Variants in CLTA observed in about 807,000 individuals in gnomAD.
The protein encoded by CLTA is clathrin, light polypeptide (Lca).
CLTA carries 9 observed loss-of-function variants against 26.9 expected under a neutral mutation model. The ratio of observed to expected loss-of-function variants is 0.33; its 90% CI spans 0.20 to 0.58. CLTA has a LOEUF of 0.58. Ranked by LOEUF, CLTA falls within the 20% of genes least tolerant of loss-of-function variation. CLTA has a pLI of 0.85. For synonymous variants in CLTA, 120 were observed against 115.5 expected (o/e 1.04, Z -0.25); for missense variants, 278 against 294.2 (o/e 0.94, Z 0.40).
intron 4 of CLTA, among the ~76,000 whole-genome samples, chr9:36,206,398 G>A (rs1174325036): frequency 6.6e-6 from 1 of 152,028 alleles, no homozygotes; most frequent in Non-Finnish European, 1.5e-5. Context: ...GGTTGGAGGT[G>A]GGATCCATTT....
At chr9:36,206,824 G>A (rs918665582) in intron 4 of CLTA, among the ~76,000 whole-genome samples, 16 of 152,140 alleles carry the variant, frequency 1.1e-4, no homozygotes, top group East Asian at 7.7e-4. Context: ...GAACCCGGGA[G>A]GCAGAGGTTG....
chr9:36,204,632 G>T (rs986206020), intron 4 of CLTA, among the ~76,000 whole-genome samples: 1 of 152,206 alleles, frequency 6.6e-6, no homozygotes, highest in Non-Finnish European at 1.5e-5. Context: ...AGGCAGCCAA[G>T]GATGTTCCAA....
chr9:36,211,691 C>T lies in CLTA; in HGVS notation c.574C>T (p.Pro192Ser), dbSNP rs768045566. 2 of 1,614,074 alleles carry T rather than the reference C, an allele frequency of 1.2e-6. No homozygotes were observed. Among genetic ancestry groups the T allele is most frequent in the Middle Eastern group, 1.6e-4 (1 of 6,062 alleles). The change falls in exon 5 of 5, where the codon CCC (proline) becomes TCC (serine). Residue 192 changes from proline (P) to serine (S), a missense_variant. Physicochemically the swap from Pro to Ser is moderately conservative, Grantham distance 74. Coordinates refer to ENST00000345519, the MANE Select transcript of CLTA (RefSeq NM_001833.4). ...GGTGGCCCGGCTGTGTGACTTTAACCCCAAGTCTAGCAAGCAGGCCAAAGA... is the reference window on the plus strand; with the variant it reads ...GGTGGCCCGGCTGTGTGACTTTAACTCCAAGTCTAGCAAGCAGGCCAAAGA... ...ERVARLCDFN[P>S]KSSKQAKDVS...
Position 36,197,547 on chromosome 9 carries a change from G to A in CLTA, c.218-4G>A. 2.5e-6 allele frequency: 4 copies of A among 1,610,834 alleles called. No homozygotes were observed. The highest frequency in any genetic ancestry group is 3.4e-6 in the Non-Finnish European group (4 of 1,177,626). Reference sequence around the variant, plus strand: ...TTGATAGACCAAAATCTTATGTCTTGCAGATGCTGTTGATGGAGTAATGAA... The same window carrying A: ...TTGATAGACCAAAATCTTATGTCTTACAGATGCTGTTGATGGAGTAATGAA... On this transcript the variant is annotated splice_polypyrimidine_tract_variant and splice_region_variant and intron_variant, in intron 1 of 4. Coordinates refer to ENST00000345519, the MANE Select transcript of CLTA (RefSeq NM_001833.4).
chr9:36,209,780 T>C (rs1163909849), intron 4 of CLTA, among the ~76,000 whole-genome samples: 1 of 152,174 alleles, frequency 6.6e-6, no homozygotes, highest in East Asian at 1.9e-4. Context: ...ATCAGAGCTG[T>C]GGGGCAGCAT....
intron 1 of CLTA, among the ~76,000 whole-genome samples, chr9:36,194,535 A>G (rs888971609): frequency 2.0e-5 from 3 of 152,250 alleles, no homozygotes; most frequent in Admixed American, 2.0e-4. Context: ...GTCATATTTC[A>G]GATGAGAATG....
intron 2 of CLTA, 71 bp downstream of exon 2, chr9:36,197,659 G>C: frequency 2.5e-6 from 3 of 1,203,978 alleles, no homozygotes; most frequent in Non-Finnish European, 3.6e-6. Context: ...TTAATTGACT[G>C]ACCTAGAAAG....
At chr9:36,211,547 C>G (rs1828040132) in intron 4 of CLTA, 56 bp from the exon 5 acceptor site, 5 of 1,537,832 alleles carry the variant, frequency 3.3e-6, no homozygotes, top group Middle Eastern at 3.5e-4. Flanking sequence ...AAGGCAGCCA[C>G]CAGGTTGCTC....
At chr9:36,206,300 C>CG (rs1827721859) in intron 4 of CLTA, among the ~76,000 whole-genome samples, 11 of 148,616 alleles carry the variant, frequency 7.4e-5, no homozygotes, top group Non-Finnish European at 1.7e-4. Context: ...CTCTTGAGAG[C>CG]ATAACGCTAG....
intron 1 of CLTA, 67 bp from the exon 2 acceptor site, chr9:36,197,484 C>T: frequency 1.8e-6 from 2 of 1,082,348 alleles, no homozygotes; most frequent in South Asian, 1.3e-5. Context: ...CTGTATTCTA[C>T]TGTACAACCC....
chr9:36,196,575 C>G (rs1369948902), intron 1 of CLTA, among the ~76,000 whole-genome samples: 1 of 151,922 alleles, frequency 6.6e-6, no homozygotes, highest in Non-Finnish European at 1.5e-5. Flanking sequence ...TCTTGAACTC[C>G]TGACCTCGAG....
chr9:36,195,272 A>G (rs758750038), intron 1 of CLTA, among the ~76,000 whole-genome samples: 17 of 152,244 alleles, frequency 1.1e-4, no homozygotes, highest in Admixed American at 8.5e-4. Context: ...AATCATGAAG[A>G]AAAAGTCGAT....
Position 36,191,234 on chromosome 9 carries a change from C to T in CLTA, c.178C>T (p.Pro60Ser), listed in dbSNP as rs1355797777. 2.6e-6 allele frequency: 4 copies of T among 1,541,666 alleles called. No homozygotes were observed. The highest frequency in any genetic ancestry group is 3.5e-6 in the Non-Finnish European group (4 of 1,147,760). Residue 60 changes from proline to serine, a missense_variant, in exon 1 of 5, where the codon CCC (proline) becomes TCC (serine). Transcript: ENST00000345519. ...EAFAILDGGAPGPQPHGEPPG... is the reference protein window; with the variant it reads ...EAFAILDGGASGPQPHGEPPG... Reference sequence around the variant, plus strand: ...CTTCGCCATCCTGGACGGCGGCGCCCCCGGGCCCCAGCCGCACGGCGAGCC... The same window carrying T: ...CTTCGCCATCCTGGACGGCGGCGCCTCCGGGCCCCAGCCGCACGGCGAGCC...
At chr9:36,206,472 T>C (rs1827729791) in intron 4 of CLTA, among the ~76,000 whole-genome samples, 1 of 152,186 alleles carries the variant, frequency 6.6e-6, no homozygotes, top group African/African-American at 2.4e-5. Flanking sequence ...TTTATATTGC[T>C]GACTACTCCC....
At chr9:36,196,346 T>C (rs547971876) in intron 1 of CLTA, among the ~76,000 whole-genome samples, 1 of 151,072 alleles carries the variant, frequency 6.6e-6, no homozygotes, top group East Asian at 1.9e-4. Flanking sequence ...TTTTTTCTTT[T>C]TTTTTTTTTT....
chr9:36,202,125 A>G (rs1827449718), intron 3 of CLTA, among the ~76,000 whole-genome samples: 1 of 152,140 alleles, frequency 6.6e-6, no homozygotes. Context: ...AAAACAAAAA[A>G]AAGTTTACTG....
chr9:36,197,527 A>T, intron 1 of CLTA, 24 bp from the exon 2 acceptor site: 1 of 1,602,054 alleles, frequency 6.2e-7, no homozygotes, highest in Non-Finnish European at 8.5e-7. Context: ...CCTTATTGAT[A>T]GACCAAAATC....
intron 1 of CLTA, 71 bp downstream of exon 1, chr9:36,191,344 T>TCTGTGTGACTCGTGCTC: frequency 1.4e-6 from 2 of 1,406,304 alleles, no homozygotes; most frequent in Non-Finnish European, 1.9e-6. Flanking sequence ...TCCGAGAGCT[T>TCTGTGTGACTCGTGCTC]CTGTGTGACT....
At chr9:36,198,862 A>C (rs1657146757) in intron 2 of CLTA, 117 bp from the exon 3 acceptor site, 7 of 626,320 alleles carry the variant, frequency 1.1e-5, no homozygotes, top group Non-Finnish European at 1.7e-5. Flanking sequence ...GACAAGAGTG[A>C]AAACTCTGTC....
Sources: allele counts gnomAD v4.1 joint callset (sites outside exome capture counted in the v4.1 genomes callset), GRCh38; gene constraint gnomAD v4.1.1; transcripts MANE v1.5; gene names NCBI Gene and HGNC (gene_info 2026-07-23, HGNC 2026-07-21).